SFRP1: variants seen among roughly 807,000 people sequenced by gnomAD.
The protein encoded by SFRP1 is secreted frizzled-related protein 1.
Under a neutral mutation model 25.9 loss-of-function variants are expected in SFRP1, and 9 were observed. The observed-to-expected ratio is 0.35, with a 90% CI of 0.21 to 0.61. The LOEUF (loss-of-function observed/expected upper bound fraction) is 0.61. SFRP1 is among the 20% of genes least tolerant of loss of function. The pLI, the probability that SFRP1 is intolerant of heterozygous loss-of-function variation, is 0.78. For missense variants in SFRP1, 346 were observed against 418.2 expected, an observed-to-expected ratio of 0.83 and a Z score of 1.51; for synonymous variants, 178 against 174.0, an observed-to-expected ratio of 1.02 and a Z score of -0.18.
chr8:41,287,097 T>C (rs1295327727), intron 2 of SFRP1, among the ~76,000 whole-genome samples: 2 of 152,162 alleles, frequency 1.3e-5, no homozygotes, highest in Non-Finnish European at 2.9e-5. Flanking sequence ...AGGTTTCATT[T>C]CCTCAAGCCC....
intron 2 of SFRP1, among the ~76,000 whole-genome samples, chr8:41,286,700 T>G (rs1370610897): frequency 6.6e-6 from 1 of 152,170 alleles, no homozygotes; most frequent in Non-Finnish European, 1.5e-5. Context: ...CTTTCTTCAC[T>G]GAAGAGGGGG....
At chr8:41,291,783 G>T (rs1482535491) in intron 2 of SFRP1, among the ~76,000 whole-genome samples, 1 of 152,126 alleles carries the variant, frequency 6.6e-6, no homozygotes, top group East Asian at 1.9e-4. Flanking sequence ...ATGAAATTAG[G>T]TTAATCCAGG....
At position 41,288,933 on chromosome 8, in the gene SFRP1, C is replaced by T. The variant is rs141927415; in HGVS notation, c.622+14528G>A. On this transcript the variant is annotated intron_variant, in intron 2 of 2. Coordinates refer to ENST00000220772, the MANE Select transcript of SFRP1 (RefSeq NM_003012.5). ...TGCGGGGATCAGCCCAAGAAGATGG[C>T]GCTGGGGCCAGGATGTCCAGCAGTG... 3.6e-3 allele frequency among the ~76,000 whole-genome samples: 544 copies of T among 152,234 alleles called. 2 individuals are homozygous for T. Among genetic ancestry groups the T allele is most frequent in the African/African-American group, 0.012 (509 of 41,550 alleles).
At position 41,265,257 on chromosome 8, in the gene SFRP1, G is replaced by T; in HGVS notation, c.855C>A (p.His285Gln). ...ACTCCTTGTTTTTCTTGTCCCACTT[G>T]TGGATGGCCGTCAGCAAGTACTGGC... ...VKSQYLLTAI[H>Q]KWDKKNKEFK... is the part of the protein sequence containing the mutation. The change falls in exon 3 of 3, where the codon CAC becomes CAA. Residue 285 changes from histidine to glutamine, a missense_variant. Physicochemically the swap from His to Gln is conservative, Grantham distance 24 (BLOSUM62 0). Transcript: ENST00000220772. 1 of 1,613,992 alleles carries T rather than the reference G, an allele frequency of 6.2e-7. No homozygotes were observed. The highest frequency in any genetic ancestry group is 8.5e-7 in the Non-Finnish European group (1 of 1,180,008).
In SFRP1 at chr8:41,294,923, G is replaced by A. The variant is rs114765738; in HGVS notation, c.622+8538C>T. Among the ~76,000 whole-genome samples, 494 of 152,226 alleles carry A rather than the reference G, an allele frequency of 3.2e-3. 2 individuals carry two copies. The highest frequency in any genetic ancestry group is 0.012 in the African/African-American group (478 of 41,528). ...ACCCAGCGTGCAGCATGAGTTATGG[G>A]AGCTACCCACAATCATCTTTAAACT... is the stretch of plus-strand genomic sequence containing the variant. On this transcript the variant is annotated intron_variant, in intron 2 of 2. Transcript: ENST00000220772.
chr8:41,280,583 G>A (rs1803623293), intron 2 of SFRP1, among the ~76,000 whole-genome samples: 2 of 152,214 alleles, frequency 1.3e-5, no homozygotes, highest in African/African-American at 2.4e-5. Flanking sequence ...CAGAGGTTCT[G>A]AGAGCTGAAG....
chr8:41,308,638 G>A lies in SFRP1; in HGVS notation c.522C>T (p.Ala174=). ...TACCTTGGGGCTTGGAGGCTTCGGT[G>A]GCATTGGGCGGCGTCATGGCGATGC... ...DVCIAMTPPN[A]TEASKPQGTT... is the part of the protein sequence containing the mutation. The change falls in exon 1 of 3, where the codon GCC becomes GCT. Residue 174 remains alanine (A), a synonymous_variant. Coordinates refer to ENST00000220772, the MANE Select transcript of SFRP1 (RefSeq NM_003012.5). The A allele has an allele frequency of 2.5e-6, 4 of 1,604,466 alleles. No homozygotes were observed. Among genetic ancestry groups the A allele is most frequent in the Non-Finnish European group, 3.4e-6 (4 of 1,173,714 alleles).
chr8:41,277,125 G>A, intron 2 of SFRP1: 1 of 434,688 alleles, frequency 2.3e-6, no homozygotes, highest in South Asian at 1.7e-5. Flanking sequence ...ACGCATCTTG[G>A]GGAGCAAGGG....
intron 1 of SFRP1, chr8:41,306,783 C>T (rs752571693): frequency 3.4e-5 from 55 of 1,597,908 alleles, no homozygotes; most frequent in Non-Finnish European, 4.3e-5. Context: ...CTGAGAAGGG[C>T]GCCGACCAGT....
At chr8:41,291,648 G>A (rs1475484233) in intron 2 of SFRP1, among the ~76,000 whole-genome samples, 1 of 152,104 alleles carries the variant, frequency 6.6e-6, no homozygotes, top group African/African-American at 2.4e-5. Flanking sequence ...TCCTCTAGAT[G>A]GTAAGGCCTG....
chr8:41,294,160 C>T (rs1464509052), intron 2 of SFRP1, among the ~76,000 whole-genome samples: 1 of 152,174 alleles, frequency 6.6e-6, no homozygotes, highest in African/African-American at 2.4e-5. Context: ...CGGGCTGGCA[C>T]AGCCGCCCTA....
chr8:41,270,855 G>A (rs1356447630), intron 2 of SFRP1, among the ~76,000 whole-genome samples: 2 of 151,686 alleles, frequency 1.3e-5, no homozygotes, highest in Non-Finnish European at 2.9e-5. Context: ...AGAAAAGGGG[G>A]AAAAAAAGAA....
In SFRP1 at chr8:41,263,596, A is replaced by G. The variant is rs939998866; in HGVS notation, c.*1571T>C. The G allele has an allele frequency of 6.6e-6, 1 of 152,222 alleles. No individual in the cohort carries two copies. The allele number at this position is 152,222 out of a possible 1,614,324, so 9.4% of individuals were successfully genotyped here. On this transcript the variant is annotated 3_prime_UTR_variant, in exon 3 of 3. Transcript: ENST00000220772. ...CAGAGGGACAATCATAAATGTCCTC[A>G]AAGTGTTGCAGAGAATTAAGAATCC...
chr8:41,296,677 C>A (rs571443694), intron 2 of SFRP1, among the ~76,000 whole-genome samples: 14 of 152,184 alleles, frequency 9.2e-5, no homozygotes, highest in African/African-American at 3.4e-4. Flanking sequence ...GGGAAAAGTG[C>A]CCCAGAGATA....
chr8:41,280,221 GC>G (rs1260613239), intron 2 of SFRP1, among the ~76,000 whole-genome samples: 1 of 152,222 alleles, frequency 6.6e-6, no homozygotes, highest in Non-Finnish European at 1.5e-5. Context: ...GTGCGGCAAA[GC>G]CCTGCCCGAG....
intron 2 of SFRP1, among the ~76,000 whole-genome samples, chr8:41,289,303 G>A (rs1585515162): frequency 6.6e-6 from 1 of 152,208 alleles, no homozygotes; most frequent in East Asian, 1.9e-4. Context: ...ACTCGCTTAA[G>A]GAAACAAGCT....
intron 2 of SFRP1, among the ~76,000 whole-genome samples, chr8:41,288,734 T>G (rs568371896): frequency 1.6e-4 from 25 of 152,242 alleles, no homozygotes; most frequent in Admixed American, 3.3e-4. Flanking sequence ...GGGGCAGGAA[T>G]GAAAACTCAG....
chr8:41,300,473 T>TC (rs1803900692), intron 2 of SFRP1, among the ~76,000 whole-genome samples: 1 of 152,150 alleles, frequency 6.6e-6, no homozygotes, highest in Non-Finnish European at 1.5e-5. Context: ...CTCTGAACTC[T>TC]CCTAGCAGAA....
At chr8:41,302,044 T>A (rs971092276) in intron 2 of SFRP1, among the ~76,000 whole-genome samples, 1 of 152,254 alleles carries the variant, frequency 6.6e-6, no homozygotes, top group Non-Finnish European at 1.5e-5. Flanking sequence ...CTGTCTTTTT[T>A]AAAAAACAAT....
Sources: allele counts gnomAD v4.1 joint callset (sites outside exome capture counted in the v4.1 genomes callset), GRCh38; gene constraint gnomAD v4.1.1; transcripts MANE v1.5; gene names NCBI Gene and HGNC (gene_info 2026-07-23, HGNC 2026-07-21).